Variants in AMMECR1 observed in about 807,000 individuals in gnomAD.
The protein encoded by AMMECR1 is nuclear protein AMMECR1.
A neutral mutation model predicts 22.5 loss-of-function variants in AMMECR1; 3 were observed. The observed-to-expected ratio is 0.13, with a 90% CI of 0.06 to 0.35. The LOEUF is 0.35. AMMECR1 is among the 10% of genes least tolerant of loss of function. The pLI, the probability that AMMECR1 is intolerant of heterozygous loss-of-function variation, is 1.00. For missense variants in AMMECR1, 235 were observed against 278.7 expected, an observed-to-expected ratio of 0.84 and a Z score of 1.12; for synonymous variants, 130 against 116.7, an observed-to-expected ratio of 1.11 and a Z score of -0.74.
exon 1 of AMMECR1, chrX:110,440,209 C>T (rs775489660): frequency 1.8e-5 from 2 of 110,893 alleles, no homozygotes; most frequent in Non-Finnish European, 3.8e-5. Flanking sequence ...CGACTGTCCT[C>T]TAAACGATTA....
intron 2 of AMMECR1, among the ~76,000 whole-genome samples, chrX:110,234,510 C>G (rs2067589150): frequency 8.9e-6 from 1 of 112,075 alleles, no homozygotes; most frequent in Non-Finnish European, 1.9e-5. Context: ...AAAAAAGAGC[C>G]TGCATTGCCA....
chrX:110,333,678 A>G (rs1206714966), intron 2 of AMMECR1, among the ~76,000 whole-genome samples: 1 of 111,618 alleles, frequency 9.0e-6, no homozygotes, highest in Admixed American at 9.5e-5. Flanking sequence ...TTGCAGGGAC[A>G]TGGATGAAGC....
chrX:110,370,735 C>A (rs1051647395), intron 2 of AMMECR1, among the ~76,000 whole-genome samples: 1 of 112,325 alleles, frequency 8.9e-6, no homozygotes, highest in South Asian at 3.7e-4. Flanking sequence ...TGTGAGACAA[C>A]GGCAAGTGGT....
intron 2 of AMMECR1, chrX:110,347,049 T>A: frequency 2.3e-6 from 1 of 427,986 alleles, no homozygotes; most frequent in Non-Finnish European, 4.2e-6. Context: ...GATACAAACT[T>A]TATAGCAGGC....
chrX:110,338,044 T>C, intron 2 of AMMECR1, among the ~76,000 whole-genome samples: 2 of 111,525 alleles, frequency 1.8e-5, no homozygotes, highest in Middle Eastern at 9.3e-3. Flanking sequence ...AACAGAACAG[T>C]GATTGCCAGG....
intron 3 of AMMECR1, among the ~76,000 whole-genome samples, chrX:110,206,242 TAGG>T (rs2067421100): frequency 8.9e-6 from 1 of 112,089 alleles, no homozygotes; most frequent in African/African-American, 3.2e-5. Flanking sequence ...AAAGGTTTGG[TAGG>T]AGAAGAGATT....
chrX:110,282,571 T>C (rs890739525), intron 1 of AMMECR1, among the ~76,000 whole-genome samples: 6 of 112,120 alleles, frequency 5.4e-5, no homozygotes, highest in African/African-American at 9.7e-5. Context: ...CAATGAGACC[T>C]CTACTAGGTA....
At chrX:110,226,576 C>T (rs1356585753) in intron 2 of AMMECR1, among the ~76,000 whole-genome samples, 1 of 111,001 alleles carries the variant, frequency 9.0e-6, no homozygotes, top group Non-Finnish European at 1.9e-5. Flanking sequence ...CACTGCACTC[C>T]AGCCCAGGCA....
intron 1 of AMMECR1, among the ~76,000 whole-genome samples, chrX:110,439,739 G>A (rs895995928): frequency 1.8e-5 from 2 of 110,617 alleles, no homozygotes; most frequent in African/African-American, 3.3e-5. Flanking sequence ...AAGCAGTTTC[G>A]GGCGAAGGGG....
chrX:110,284,654 G>A (rs1020243523), intron 1 of AMMECR1, among the ~76,000 whole-genome samples: 2 of 112,064 alleles, frequency 1.8e-5, no homozygotes, highest in Non-Finnish European at 3.8e-5. Context: ...TGATCTAGGT[G>A]AAGCCAGAAG....
At chrX:110,228,033 A>C (rs1330035199) in intron 2 of AMMECR1, among the ~76,000 whole-genome samples, 1 of 112,054 alleles carries the variant, frequency 8.9e-6, no homozygotes, top group Non-Finnish European at 1.9e-5. Context: ...TTTAAATGGC[A>C]TATTTCTCTA....
intron 1 of AMMECR1, among the ~76,000 whole-genome samples, chrX:110,286,205 C>G (rs1486936165): frequency 9.0e-6 from 1 of 111,193 alleles, no homozygotes; most frequent in Non-Finnish European, 1.9e-5. Context: ...GAAATCAGGG[C>G]TGTCCTGGAA....
intron 1 of AMMECR1, among the ~76,000 whole-genome samples, chrX:110,431,819 G>A (rs1407991449): frequency 8.9e-6 from 1 of 112,123 alleles, no homozygotes; most frequent in Non-Finnish European, 1.9e-5. Context: ...GGGCACATTA[G>A]GTTTGAGGAG....
At chrX:110,275,119 GA>G (rs905387322) in intron 1 of AMMECR1, among the ~76,000 whole-genome samples, 8 of 110,855 alleles carry the variant, frequency 7.2e-5, no homozygotes, top group Admixed American at 5.8e-4. Context: ...TAATGAGGGG[GA>G]AAATGTCTTT....
chrX:110,349,979 G>A (rs2068204994), intron 2 of AMMECR1, among the ~76,000 whole-genome samples: 1 of 111,833 alleles, frequency 8.9e-6, no homozygotes, highest in African/African-American at 3.3e-5. Flanking sequence ...GACGTATACC[G>A]GTAGAACACA....
rs141795055 is a variant in AMMECR1, at chrX:110,341,536, A to G, written c.-147-23687T>C. Among the ~76,000 whole-genome samples the G allele has an allele frequency of 9.7e-3, 1,085 of 112,211 alleles. 10 individuals carry two copies. The highest frequency in any genetic ancestry group is 0.032 in the African/African-American group (979 of 30,903). ...AAGTAGGGTGATGAAATCTTGCACC[A>G]TCCTGCTCTGTCCCCTGAGACATGA... On this transcript the variant is annotated intron_variant, in intron 2 of 7. Transcript: ENST00000372057.
intron 2 of AMMECR1, among the ~76,000 whole-genome samples, chrX:110,398,201 T>A (rs2068541165): frequency 8.9e-6 from 1 of 112,152 alleles, no homozygotes; most frequent in Middle Eastern, 4.2e-3. Context: ...GCAGCCAGGC[T>A]CTGAACTGCA....
rs1184938016 is a variant in AMMECR1, at chrX:110,198,008, G to T, written c.*512C>A. 1 of 111,577 alleles carries T rather than the reference G, an allele frequency of 9.0e-6. No individual in the cohort carries two copies. The highest frequency in any genetic ancestry group is 3.3e-5 in the African/African-American group (1 of 30,674). 9.2% of individuals were successfully genotyped at this position (111,577 alleles called of 1,213,427 possible). A position where few individuals can be genotyped will look rare whatever the true frequency, so the allele number is the denominator to read the frequency against. On this transcript the variant is annotated 3_prime_UTR_variant, in exon 6 of 6. Coordinates refer to ENST00000262844, the MANE Select transcript of AMMECR1 (RefSeq NM_015365.3). ...GAGTAATATACAAATACCTGAATTTGATATGAATTAATCCCAAACTCAGGT... is the reference window on the plus strand; with the variant it reads ...GAGTAATATACAAATACCTGAATTTTATATGAATTAATCCCAAACTCAGGT...
chrX:110,393,434 C>T (rs2068508253), intron 2 of AMMECR1, among the ~76,000 whole-genome samples: 1 of 111,905 alleles, frequency 8.9e-6, no homozygotes, highest in African/African-American at 3.3e-5. Flanking sequence ...CTATTATCTT[C>T]AGTTTACAAG....
Sources: gnomAD v4.1 joint callset for allele counts (sites outside exome capture counted in the v4.1 genomes callset) on GRCh38, gnomAD v4.1.1 for gene constraint, MANE v1.5 for transcripts, NCBI Gene and HGNC (gene_info 2026-07-23, HGNC 2026-07-21) for gene names.